DGLUCY: variants seen among roughly 807,000 people sequenced by gnomAD.
DGLUCY encodes D-glutamate cyclase.
DGLUCY carries 58 observed loss-of-function variants against 58.5 expected under a neutral mutation model. The observed-to-expected ratio is 0.99, with a 90% CI of 0.80 to 1.23. The LOEUF is 1.23. Ranked by LOEUF, DGLUCY falls within the 50% of genes most tolerant of loss-of-function variation. DGLUCY has a pLI of 0.00. For synonymous variants in DGLUCY, 325 were observed against 314.1 expected (o/e 1.03, Z -0.37); for missense variants, 779 against 784.7 (o/e 0.99, Z 0.09).
intron 11 of DGLUCY, among the ~76,000 whole-genome samples, chr14:91,203,069 G>A (rs1410175406): frequency 6.6e-6 from 1 of 152,234 alleles, no homozygotes; most frequent in African/African-American, 2.4e-5. Flanking sequence ...CCCAGGTACT[G>A]CCCCCATCAG....
intron 1 of DGLUCY, among the ~76,000 whole-genome samples, chr14:91,071,909 A>G (rs1481008749): frequency 1.3e-5 from 2 of 152,044 alleles, no homozygotes; most frequent in African/African-American, 4.8e-5. Flanking sequence ...CCAAACTCTT[A>G]TACTGTGAAC....
chr14:91,180,441 G>A (rs1432569396), intron 7 of DGLUCY, among the ~76,000 whole-genome samples: 2 of 151,298 alleles, frequency 1.3e-5, no homozygotes, highest in African/African-American at 4.9e-5. Flanking sequence ...GCGTGGTGGC[G>A]GGTGCCTGTA....
intron 1 of DGLUCY, among the ~76,000 whole-genome samples, chr14:91,099,331 G>A (rs913406366): frequency 1.3e-5 from 2 of 152,036 alleles, no homozygotes; most frequent in African/African-American, 4.8e-5. Flanking sequence ...TCAGGAGCTC[G>A]AGACCAGCCT....
chr14:91,130,848 A>G (rs1347997429), intron 1 of DGLUCY, among the ~76,000 whole-genome samples: 4 of 152,182 alleles, frequency 2.6e-5, no homozygotes, highest in African/African-American at 9.6e-5. Context: ...ATGCCTGTTT[A>G]TATCTTTCTC....
chr14:91,167,920 C>T (rs951684396), intron 4 of DGLUCY, among the ~76,000 whole-genome samples: 4 of 152,136 alleles, frequency 2.6e-5, no homozygotes, highest in Non-Finnish European at 5.9e-5. Flanking sequence ...CATCTGCTTT[C>T]CCAGCAGAGT....
chr14:91,098,588 A>G (rs1330189116), intron 1 of DGLUCY, among the ~76,000 whole-genome samples: 3 of 152,218 alleles, frequency 2.0e-5, no homozygotes, highest in Non-Finnish European at 2.9e-5. Context: ...CTGGCTCACA[A>G]ACTTCCCAAA....
chr14:91,147,493 T>A (rs1314860845), intron 1 of DGLUCY, among the ~76,000 whole-genome samples: 2 of 152,150 alleles, frequency 1.3e-5, no homozygotes, highest in Non-Finnish European at 2.9e-5. Flanking sequence ...TTGAAACAAG[T>A]GCTGGAACCA....
intron 12 of DGLUCY, 81 bp from the exon 13 acceptor site, chr14:91,215,324 G>T: frequency 6.5e-7 from 1 of 1,533,892 alleles, no homozygotes; most frequent in Non-Finnish European, 8.8e-7. Context: ...CAGTCCTGCA[G>T]ATAGTTCTGC....
intron 1 of DGLUCY, among the ~76,000 whole-genome samples, chr14:91,068,079 G>GCACGCACA (rs1555387694): frequency 6.8e-6 from 1 of 146,342 alleles, no homozygotes; most frequent in Non-Finnish European, 1.5e-5. Context: ...ACACGCGCAC[G>GCACGCACA]CACACACACA....
chr14:91,107,958 C>G (rs2140094029), upstream of DGLUCY: 1 of 152,410 alleles, frequency 6.6e-6, no homozygotes, highest in Non-Finnish European at 1.5e-5. Flanking sequence ...GCCAAGGAAG[C>G]CTGAAGCCCT....
At chr14:91,120,158 C>T (rs142138147) in intron 1 of DGLUCY, among the ~76,000 whole-genome samples, 90 of 152,216 alleles carry the variant, frequency 5.9e-4, no homozygotes, top group African/African-American at 2.0e-3. Flanking sequence ...CTGACTAATA[C>T]ACTTAGTGTC....
intron 13 of DGLUCY, among the ~76,000 whole-genome samples, chr14:91,218,536 G>C (rs1886944786): frequency 6.6e-6 from 1 of 151,784 alleles, no homozygotes. Context: ...CCAAGTAGCT[G>C]GGATTACAGG....
chr14:91,119,268 C>G (rs185481189), intron 1 of DGLUCY, among the ~76,000 whole-genome samples: 64 of 152,274 alleles, frequency 4.2e-4, no homozygotes, highest in Non-Finnish European at 1.3e-4. Flanking sequence ...CCTTCTGTTC[C>G]TGCCTGTAGT....
intron 1 of DGLUCY, among the ~76,000 whole-genome samples, chr14:91,080,915 A>T (rs1421634840): frequency 1.3e-5 from 2 of 151,872 alleles, no homozygotes; most frequent in African/African-American, 4.8e-5. Flanking sequence ...ATTCAAAAGC[A>T]TGTATTGGCC....
intron 10 of DGLUCY, 100 bp downstream of exon 10, chr14:91,196,574 G>A: frequency 2.1e-6 from 2 of 970,158 alleles, no homozygotes; most frequent in Non-Finnish European, 3.2e-6. Context: ...CCCTTCAGAG[G>A]GAGCGAAGCC....
chr14:91,077,780 G>A (rs2044052130), intron 1 of DGLUCY, among the ~76,000 whole-genome samples: 1 of 146,888 alleles, frequency 6.8e-6, no homozygotes. Context: ...GAGAAAGAGA[G>A]GAAGGGAAGG....
At chr14:91,097,383 G>A (rs998411534) in intron 1 of DGLUCY, among the ~76,000 whole-genome samples, 1 of 152,002 alleles carries the variant, frequency 6.6e-6, no homozygotes, top group Non-Finnish European at 1.5e-5. Context: ...GTGACAGAGC[G>A]AGACACTGTC....
At chr14:91,130,575 G>A (rs1338164505) in intron 1 of DGLUCY, among the ~76,000 whole-genome samples, 2 of 151,888 alleles carry the variant, frequency 1.3e-5, no homozygotes, top group Non-Finnish European at 2.9e-5. Flanking sequence ...CAAATTGCTG[G>A]GATTACAGGT....
intron 10 of DGLUCY, among the ~76,000 whole-genome samples, chr14:91,197,769 C>T (rs2050306097): frequency 6.6e-6 from 1 of 152,170 alleles, no homozygotes; most frequent in African/African-American, 2.4e-5. Context: ...TGTGTATAGA[C>T]CACATTATGT....
Sources: allele counts gnomAD v4.1 joint callset (sites outside exome capture counted in the v4.1 genomes callset), GRCh38; gene constraint gnomAD v4.1.1; transcripts MANE v1.5; gene names NCBI Gene and HGNC (gene_info 2026-07-23, HGNC 2026-07-21).